SLC25A20: variants seen among roughly 807,000 people sequenced by gnomAD.
SLC25A20 encodes the protein mitochondrial carnitine/acylcarnitine carrier protein.
In SLC25A20, 29 loss-of-function variants were observed where a neutral mutation model predicts 39.7. The ratio of observed to expected loss-of-function variants is 0.73; its 90% CI spans 0.54 to 1.00. The LOEUF is 1.00. Ranked by LOEUF, SLC25A20 falls within the 50% of genes least tolerant of loss-of-function variation. The pLI is 0.00. For synonymous variants in SLC25A20, 103 were observed against 142.2 expected (o/e 0.72, Z 1.96); for missense variants, 333 against 379.9 (o/e 0.88, Z 1.03).
chr3:48,897,367 AT>A (rs869090435), intron 1 of SLC25A20, among the ~76,000 whole-genome samples: 9,550 of 83,446 alleles, frequency 0.11, 604 homozygotes, highest in African/African-American at 0.21. Flanking sequence ...ATATATATAT[AT>A]TTTTTTTTTT....
At chr3:48,870,333 G>A (rs994605730) in intron 4 of SLC25A20, among the ~76,000 whole-genome samples, 3 of 152,072 alleles carry the variant, frequency 2.0e-5, no homozygotes, top group South Asian at 2.1e-4. Context: ...CCCAGGAGGC[G>A]GAGGTTGCAG....
Position 48,862,091 on chromosome 3 carries a change from G to T in SLC25A20, c.535+451C>A, listed in dbSNP as rs528447688. Reference sequence around the variant, plus strand: ...GTTTTCTCTCAGTGTGAAAGTCCATGTGGGCAAGTGACATGCCCACAGTTA... The same window carrying T: ...GTTTTCTCTCAGTGTGAAAGTCCATTTGGGCAAGTGACATGCCCACAGTTA... On this transcript the variant is annotated intron_variant, in intron 5 of 8. Coordinates refer to ENST00000319017, the MANE Select transcript of SLC25A20 (RefSeq NM_000387.6). Among the ~76,000 whole-genome samples the T allele has an allele frequency of 2.6e-5, 4 of 152,286 alleles. No homozygotes were observed. The South Asian group carries it at 8.3e-4, about 32-fold the overall frequency.
chr3:48,868,096 C>T (rs937087105), intron 4 of SLC25A20, among the ~76,000 whole-genome samples: 1 of 150,674 alleles, frequency 6.6e-6, no homozygotes, highest in South Asian at 2.1e-4. Context: ...ACAAGCAGGG[C>T]GGCAGCAGGT....
At chr3:48,896,971 A>C (rs1239392073) in intron 1 of SLC25A20, among the ~76,000 whole-genome samples, 1 of 151,598 alleles carries the variant, frequency 6.6e-6, no homozygotes. Context: ...CCTTCCATAG[A>C]GCCTTTTCAT....
At chr3:48,887,058 C>G (rs1234526199) in intron 2 of SLC25A20, among the ~76,000 whole-genome samples, 1 of 152,100 alleles carries the variant, frequency 6.6e-6, no homozygotes, top group Non-Finnish European at 1.5e-5. Context: ...CAGGTGGACT[C>G]CAAGAACAAA....
At chr3:48,872,080 T>C (rs961737857) in intron 4 of SLC25A20, among the ~76,000 whole-genome samples, 13 of 149,420 alleles carry the variant, frequency 8.7e-5, no homozygotes, top group Admixed American at 2.7e-4. Context: ...CCACCACCCT[T>C]GGCCTCTCAA....
At chr3:48,888,530 C>CT (rs2106662446) in intron 2 of SLC25A20, among the ~76,000 whole-genome samples, 1 of 151,470 alleles carries the variant, frequency 6.6e-6, no homozygotes, top group Non-Finnish European at 1.5e-5. Flanking sequence ...GATTGCGCCA[C>CT]TGCACTCCAG....
At chr3:48,887,575 T>C (rs1326894146) in intron 2 of SLC25A20, among the ~76,000 whole-genome samples, 1 of 152,094 alleles carries the variant, frequency 6.6e-6, no homozygotes, top group Non-Finnish European at 1.5e-5. Flanking sequence ...GACTCTACCC[T>C]GGGCACTAGA....
chr3:48,898,025 G>C (rs1048983697), intron 1 of SLC25A20, among the ~76,000 whole-genome samples: 1 of 152,200 alleles, frequency 6.6e-6, no homozygotes, highest in Middle Eastern at 3.2e-3. Context: ...GCCTCAGTCT[G>C]ACCATAGCTT....
intron 4 of SLC25A20, among the ~76,000 whole-genome samples, chr3:48,879,101 C>G (rs959424354): frequency 6.6e-6 from 1 of 151,900 alleles, no homozygotes; most frequent in Admixed American, 6.6e-5. Context: ...AAACTCCTGA[C>G]CTCAAGTGAT....
intron 5 of SLC25A20, 146 bp from the exon 6 acceptor site, chr3:48,859,773 G>C (rs2083610157): frequency 1.5e-6 from 1 of 678,666 alleles, no homozygotes; most frequent in African/African-American, 1.8e-5. Flanking sequence ...TGAATTATTA[G>C]TAAAATTGTT....
chr3:48,892,080 C>T lies in SLC25A20; in HGVS notation c.106-8G>A. 5 of 1,612,936 alleles carry T rather than the reference C, an allele frequency of 3.1e-6. No homozygotes were observed. Among genetic ancestry groups the T allele is most frequent in the South Asian group, 1.1e-5 (1 of 91,064 alleles). ...CTGTGTCTGCAGTCGGACCTGAAAA[C>T]AGAAGTTAAAATGCAGTCACCTACC... On this transcript the variant is annotated splice_region_variant and splice_polypyrimidine_tract_variant and intron_variant, in intron 1 of 8. Coordinates refer to ENST00000319017, the MANE Select transcript of SLC25A20 (RefSeq NM_000387.6).
chr3:48,894,691 T>C (rs1444747133), intron 1 of SLC25A20, among the ~76,000 whole-genome samples: 2 of 152,170 alleles, frequency 1.3e-5, no homozygotes, highest in African/African-American at 4.8e-5. Flanking sequence ...AGTGGTGCCA[T>C]CTTGGCTAAC....
rs1303875702 is a variant in SLC25A20 at position 48,859,125 on chromosome 3, G to A, written c.685C>T (p.Pro229Ser). 1 of 1,614,006 alleles carries A rather than the reference G, an allele frequency of 6.2e-7. No homozygotes were observed. Among genetic ancestry groups the A allele is most frequent in the Non-Finnish European group, 8.5e-7 (1 of 1,180,004 alleles). Residue 229 changes from proline to serine, a missense_variant, in exon 7 of 9, where the codon CCC becomes TCC. By Grantham distance (74) the Pro-to-Ser change is moderately conservative. Transcript: ENST00000319017. ...AGIFNWAVAI[P>S]PDVLKSRFQT... ...AATCGAGACTTGAGCACATCTGGGG[G>A]GATTGCCACAGCCCAGTTGAAGATC...
chr3:48,859,330 A>T (rs1434023185), intron 6 of SLC25A20, 129 bp from the exon 7 acceptor site: 2 of 882,686 alleles, frequency 2.3e-6, no homozygotes, highest in East Asian at 2.6e-5. Flanking sequence ...GTATAAGGCC[A>T]GTGCTGCTGG....
chr3:48,859,531 G>A, intron 6 of SLC25A20, 24 bp downstream of exon 6: 1 of 1,601,498 alleles, frequency 6.2e-7, no homozygotes, highest in Non-Finnish European at 8.6e-7. Context: ...GGGGAAAGTG[G>A]CTTCCAAGTT....
chr3:48,864,934 A>G (rs920247404), intron 4 of SLC25A20, among the ~76,000 whole-genome samples: 2 of 151,762 alleles, frequency 1.3e-5, no homozygotes, highest in African/African-American at 4.8e-5. Context: ...ATTTAAGAGG[A>G]CTCCTGGGCT....
intron 5 of SLC25A20, among the ~76,000 whole-genome samples, chr3:48,861,938 G>T (rs1372515071): frequency 2.6e-5 from 4 of 152,146 alleles, no homozygotes; most frequent in Non-Finnish European, 5.9e-5. Flanking sequence ...TGAGGGAGGA[G>T]AATTGCTTGA....
chr3:48,873,698 G>T (rs1169984625), intron 4 of SLC25A20, among the ~76,000 whole-genome samples: 2 of 151,100 alleles, frequency 1.3e-5, no homozygotes, highest in Non-Finnish European at 3.0e-5. Context: ...TTCTCAGACT[G>T]GCCAGGCGCA....
Sources: allele counts gnomAD v4.1 joint callset (sites outside exome capture counted in the v4.1 genomes callset), GRCh38; gene constraint gnomAD v4.1.1; transcripts MANE v1.5; gene names NCBI Gene and HGNC (gene_info 2026-07-23, HGNC 2026-07-21).